NR5A2: variants seen among roughly 807,000 people sequenced by gnomAD.
The protein encoded by NR5A2 is nuclear receptor subfamily 5 group A member 2, also known as CYP7A promoter-binding factor.
NR5A2 carries 26 observed loss-of-function variants against 62.7 expected under a neutral mutation model. The ratio of observed to expected loss-of-function variants is 0.41; its 90% CI spans 0.30 to 0.58. NR5A2 has a LOEUF of 0.58. Among genes scored for constraint, NR5A2 ranks in the 20% least tolerant of loss-of-function variants. The pLI is 0.22. For synonymous variants in NR5A2, 246 were observed against 241.7 expected, an observed-to-expected ratio of 1.02 and a Z score of -0.16; for missense variants, 541 against 669.1, an observed-to-expected ratio of 0.81 and a Z score of 2.11.
chr1:200,117,285 T>G (rs1666262698), intron 6 of NR5A2, among the ~76,000 whole-genome samples: 1 of 152,246 alleles, frequency 6.6e-6, no homozygotes, highest in Non-Finnish European at 1.5e-5. Flanking sequence ...GTAAGGAAGT[T>G]GGAGATCTGA....
At chr1:200,125,709 T>C (rs1049184748) in intron 7 of NR5A2, among the ~76,000 whole-genome samples, 12 of 152,156 alleles carry the variant, frequency 7.9e-5, no homozygotes, top group African/African-American at 2.7e-4. Context: ...TTATAAAAGG[T>C]CATCTAAGCA....
At chr1:200,078,178 G>T (rs1664128426) in intron 5 of NR5A2, among the ~76,000 whole-genome samples, 1 of 152,116 alleles carries the variant, frequency 6.6e-6, no homozygotes, top group African/African-American at 2.4e-5. Flanking sequence ...TAGAAATTTG[G>T]CATTGATACC....
chr1:200,116,753 A>G (rs936707293), intron 6 of NR5A2, among the ~76,000 whole-genome samples: 1 of 152,252 alleles, frequency 6.6e-6, no homozygotes, highest in African/African-American at 2.4e-5. Context: ...AATGTTCTAT[A>G]TAGTCGCAAC....
intron 5 of NR5A2, among the ~76,000 whole-genome samples, chr1:200,059,400 G>C (rs1011063266): frequency 1.3e-5 from 2 of 152,196 alleles, no homozygotes; most frequent in Non-Finnish European, 2.9e-5. Context: ...AAGCAATTTT[G>C]TCAGCTTGTC....
intron 7 of NR5A2, among the ~76,000 whole-genome samples, chr1:200,168,397 G>A (rs139938863): frequency 3.3e-5 from 5 of 151,836 alleles, no homozygotes; most frequent in Admixed American, 6.6e-5. Flanking sequence ...TTATTTTTAG[G>A]GGGAGACAAG....
In NR5A2 at chr1:200,074,746, A is replaced by AC. The variant is rs1222130846; in HGVS notation, c.1110+25928_1110+25929insC. On this transcript the variant is annotated intron_variant, in intron 5 of 7. Coordinates refer to ENST00000367362, the MANE Select transcript of NR5A2 (RefSeq NM_205860.3). The stretch of plus-strand genomic sequence containing the variant: ...GGCGAGAGTCCATCTCAAAAAAAAA[A>AC]AAAAAAAAAACACGAGAGAAACACA... 2.0e-3 allele frequency among the ~76,000 whole-genome samples: 299 copies of AC among 148,182 alleles called. 3 individuals are homozygous for AC. The highest frequency in any genetic ancestry group is 3.7e-3 in the Non-Finnish European group (249 of 67,174).
intron 5 of NR5A2, among the ~76,000 whole-genome samples, chr1:200,100,623 A>G (rs548694295): frequency 6.6e-5 from 10 of 152,220 alleles, no homozygotes; most frequent in Non-Finnish European, 1.2e-4. Context: ...TCTAGGACCA[A>G]ATCGTCTTGG....
At chr1:200,062,164 T>C (rs1055618111) in intron 5 of NR5A2, among the ~76,000 whole-genome samples, 1 of 152,034 alleles carries the variant, frequency 6.6e-6, no homozygotes, top group African/African-American at 2.4e-5. Flanking sequence ...TCATATTCAT[T>C]TGCTAAAAAC....
At chr1:200,114,288 A>G (rs1239421055) in intron 6 of NR5A2, among the ~76,000 whole-genome samples, 1 of 121,632 alleles carries the variant, frequency 8.2e-6, no homozygotes, top group Non-Finnish European at 1.8e-5. Context: ...ATATACACAT[A>G]TATATACACA....
Position 200,147,489 on chromosome 1 carries a change from T to C in NR5A2, c.1379-26474T>C, listed in dbSNP as rs1331114136. 1 of 627,866 alleles carries C rather than the reference T, an allele frequency of 1.6e-6. No individual in the cohort carries two copies. The highest frequency in any genetic ancestry group is 3.1e-6 in the Non-Finnish European group (1 of 326,602). The allele number at this position is 627,866 out of a possible 1,614,324, so 38.9% of individuals were successfully genotyped here. A position where few individuals can be genotyped will look rare whatever the true frequency, so the allele number is the denominator to read the frequency against. ...CTCTTTGAGGCAAGGGACAATTTGA[T>C]CTGTTTCTTCATCCTTAAAATTTCT... On this transcript the variant is annotated intron_variant, in intron 7 of 7. Coordinates refer to ENST00000367362, the MANE Select transcript of NR5A2 (RefSeq NM_205860.3). The surrounding 1 kb of genome is among the most constrained non-coding windows in gnomAD (Gnocchi z 4.9).
chr1:200,062,153 C>T (rs1417333877), intron 5 of NR5A2, among the ~76,000 whole-genome samples: 2 of 151,898 alleles, frequency 1.3e-5, no homozygotes, highest in Non-Finnish European at 2.9e-5. Flanking sequence ...TACAGGCACA[C>T]TCATATTCAT....
intron 1 of NR5A2, among the ~76,000 whole-genome samples, chr1:200,031,500 G>T (rs1661544905): frequency 6.7e-6 from 1 of 150,116 alleles, no homozygotes; most frequent in Non-Finnish European, 1.5e-5. Flanking sequence ...GGGCAACAAA[G>T]TGAGACCCTA....
At chr1:200,031,124 T>C (rs757774885) in intron 1 of NR5A2, among the ~76,000 whole-genome samples, 2 of 152,164 alleles carry the variant, frequency 1.3e-5, no homozygotes, top group Admixed American at 1.3e-4. Flanking sequence ...GAGCCTCCCT[T>C]CTTTCCATGC....
At position 200,048,649 on chromosome 1, in the gene NR5A2, A is replaced by G. The variant is rs1662491219; in HGVS notation, c.941A>G (p.Asp314Gly). Residue 314 changes from aspartate to glycine, a missense_variant, in exon 5 of 8, where the codon GAT (aspartate) becomes GGT (glycine). Around this residue, in one of 3 missense-constraint regions of NR5A2, gnomAD observed 379 missense variants for 442.0 expected, o/e 0.86. Coordinates refer to ENST00000367362, the MANE Select transcript of NR5A2 (RefSeq NM_205860.3). The surrounding 1 kb of genome is among the most constrained non-coding windows in gnomAD (Gnocchi z 4.8). The stretch of plus-strand genomic sequence containing the variant: ...CTGGAACTTTTGAAGTGTGAGCCAG[A>G]TGAGCCTCAAGTCCAGGCTAAAATC... ...LILELLKCEP[D>G]EPQVQAKIMA... 1 of 1,614,112 alleles carries G rather than the reference A, an allele frequency of 6.2e-7. No homozygotes were observed. Among genetic ancestry groups the G allele is most frequent in the African/African-American group, 1.3e-5 (1 of 74,936 alleles).
intron 1 of NR5A2, among the ~76,000 whole-genome samples, chr1:200,037,510 T>G (rs1661835977): frequency 6.6e-6 from 1 of 152,184 alleles, no homozygotes; most frequent in Non-Finnish European, 1.5e-5. Context: ...TAAACTGATT[T>G]TCAAAGTTCA....
intron 7 of NR5A2, among the ~76,000 whole-genome samples, chr1:200,167,804 T>G (rs1209686414): frequency 6.6e-6 from 1 of 152,192 alleles, no homozygotes; most frequent in Non-Finnish European, 1.5e-5. Flanking sequence ...TATAGACCAC[T>G]GTCTGCTAGG....
At chr1:200,073,603 G>A (rs1663856274) in intron 5 of NR5A2, among the ~76,000 whole-genome samples, 1 of 151,788 alleles carries the variant, frequency 6.6e-6, no homozygotes, top group Non-Finnish European at 1.5e-5. Context: ...GACACAATTT[G>A]TTTTCCCCAA....
At chr1:200,171,241 A>C (rs1186645286) in intron 7 of NR5A2, among the ~76,000 whole-genome samples, 1 of 152,222 alleles carries the variant, frequency 6.6e-6, no homozygotes, top group Non-Finnish European at 1.5e-5. Flanking sequence ...AATTAGCAGC[A>C]TATGTTTTAT....
intron 3 of NR5A2, 63 bp downstream of exon 3, chr1:200,043,955 ACTT>A: frequency 9.3e-7 from 1 of 1,075,150 alleles, no homozygotes; most frequent in Non-Finnish European, 1.4e-6. Flanking sequence ...CCAGTGGATT[ACTT>A]CTTTTAAGCT....
Sources: gnomAD v4.1 joint callset for allele counts (sites outside exome capture counted in the v4.1 genomes callset) on GRCh38, gnomAD v4.1.1 for gene constraint, gnomAD v4.1.1 regional missense constraint, Gnocchi (gnomAD v3.1) non-coding constraint, MANE v1.5 for transcripts, NCBI Gene and HGNC (gene_info 2026-07-23, HGNC 2026-07-21) for gene names.